Variants in NVL observed in about 807,000 individuals in gnomAD.
The protein encoded by NVL is nuclear VCP like, also known as nuclear valosin-containing protein-like.
A neutral mutation model predicts 110.2 loss-of-function variants in NVL; 84 were observed. That is an observed-to-expected ratio of 0.76 (90% CI 0.64 to 0.91). The LOEUF is 0.91. Ranked by LOEUF, NVL falls within the 40% of genes least tolerant of loss-of-function variation. The probability of loss-of-function intolerance (pLI) is 0.00; values close to 1 mark genes in which losing one functional copy is unlikely to be tolerated. For synonymous variants in NVL, 354 were observed against 361.1 expected (o/e 0.98, Z 0.22); for missense variants, 882 against 1,035.9 (o/e 0.85, Z 2.04).
intron 6 of NVL, among the ~76,000 whole-genome samples, chr1:224,307,698 C>CAAAAAAAAAA (rs11366790): frequency 1.5e-5 from 1 of 67,472 alleles, no homozygotes; most frequent in Non-Finnish European, 2.8e-5. Flanking sequence ...GACCCAGTCT[C>CAAAAAAAAAA]AAAAAAAAAA....
intron 19 of NVL, among the ~76,000 whole-genome samples, chr1:224,241,534 A>G (rs577168485): frequency 6.6e-6 from 1 of 152,226 alleles, no homozygotes; most frequent in South Asian, 2.1e-4. Context: ...TAAAGGAATT[A>G]TTAGAAAAAG....
chr1:224,317,908 T>C lies in NVL; in HGVS notation c.154A>G (p.Arg52Gly), dbSNP rs2102768791. 2 of 1,599,148 alleles carry C rather than the reference T, an allele frequency of 1.3e-6. No homozygotes were observed. Among genetic ancestry groups the C allele is most frequent in the South Asian group, 1.1e-5 (1 of 89,600 alleles). The stretch of plus-strand genomic sequence containing the variant: ...TCTACCTGAATCCTAAAAGCATTTC[T>C]TTTTCTTCGACCATAGTCTATACTG... ...VYSIDYGRRK[R>G]NAFRIQVEKV... Residue 52 changes from arginine to glycine, a missense_variant, in exon 3 of 23, where the codon AGA (arginine) becomes GGA (glycine). Physicochemically the swap from Arg to Gly is moderately radical, Grantham distance 125 (BLOSUM62 -2). This residue lies in a region of NVL where 274 missense variants were observed against 268.4 expected (regional missense o/e 1.02). Transcript: ENST00000281701.
At chr1:224,311,759 A>T (rs1180439107) in intron 5 of NVL, 41 bp downstream of exon 5, 1 of 1,539,664 alleles carries the variant, frequency 6.5e-7, no homozygotes, top group East Asian at 2.2e-5. Context: ...AACAACTAAA[A>T]AAGAAAAAAT....
chr1:224,235,554 A>G (rs1028079311), intron 20 of NVL, among the ~76,000 whole-genome samples: 5 of 151,996 alleles, frequency 3.3e-5, no homozygotes, highest in African/African-American at 1.2e-4. Context: ...AGGCATTTAC[A>G]TCTGCCCCTC....
chr1:224,325,431 AT>A (rs201571619), intron 2 of NVL, among the ~76,000 whole-genome samples: 1 of 149,714 alleles, frequency 6.7e-6, no homozygotes, highest in Admixed American at 6.7e-5. Context: ...TAAAAACTGT[AT>A]TTAAAAAAAA....
At chr1:224,258,011 T>C (rs916092873) in intron 18 of NVL, among the ~76,000 whole-genome samples, 1 of 152,172 alleles carries the variant, frequency 6.6e-6, no homozygotes, top group Non-Finnish European at 1.5e-5. Context: ...TTTTACACCA[T>C]TGATAACACC....
chr1:224,295,134 C>G (rs2102657650), intron 11 of NVL, among the ~76,000 whole-genome samples: 1 of 152,204 alleles, frequency 6.6e-6, no homozygotes, highest in South Asian at 2.1e-4. Context: ...GTTATTTTCC[C>G]TCACAGGTAA....
rs779964708 is a variant in NVL at position 224,250,222 on chromosome 1, G to A, written c.2279C>T (p.Thr760Ile). Residue 760 changes from threonine to isoleucine, a missense_variant, in exon 19 of 23, where the codon ACT (threonine) becomes ATT (isoleucine). This residue lies in a region of NVL where 126 missense variants were observed against 140.7 expected (regional missense o/e 0.90). Transcript: ENST00000281701. ...PPADRLAILK[T>I]ITKNGTKPPL... ...ATTTCCTTTACTCACTTTTGTGATAGTTTTTAAGATGGCAAGGCGATCTGC... is the reference window on the plus strand; with the variant it reads ...ATTTCCTTTACTCACTTTTGTGATAATTTTTAAGATGGCAAGGCGATCTGC... 1.2e-6 allele frequency: 2 copies of A among 1,610,094 alleles called. No homozygotes were observed. Among genetic ancestry groups the A allele is most frequent in the South Asian group, 1.1e-5 (1 of 90,184 alleles).
intron 19 of NVL, among the ~76,000 whole-genome samples, chr1:224,242,001 T>C (rs1661258765): frequency 6.6e-6 from 1 of 151,460 alleles, no homozygotes; most frequent in Non-Finnish European, 1.5e-5. Flanking sequence ...CATTGCACTC[T>C]AGCCTGGACA....
intron 16 of NVL, among the ~76,000 whole-genome samples, chr1:224,275,764 T>C (rs1665700194): frequency 6.6e-6 from 1 of 152,188 alleles, no homozygotes; most frequent in Admixed American, 6.5e-5. Context: ...CAAAATTCAA[T>C]TGCACTTTAG....
chr1:224,273,211 G>A (rs747144579), intron 17 of NVL, among the ~76,000 whole-genome samples: 3 of 152,002 alleles, frequency 2.0e-5, no homozygotes, highest in Non-Finnish European at 4.4e-5. Context: ...CCAAGAGTTC[G>A]AGACCAGCCC....
Position 224,311,889 on chromosome 1 carries a change from A to G in NVL, c.285-32T>C, listed in dbSNP as rs760557312. On this transcript the variant is annotated intron_variant, in intron 4 of 22. Transcript: ENST00000281701. ...AAAAGGAGGGAAAAATGTTTTAAAG[A>G]CTTTCTCTCCCATATCCTAAAAAAA... 7.8e-6 allele frequency: 12 copies of G among 1,534,312 alleles called. No individual in the cohort carries two copies. In the South Asian group the frequency reaches 1.4e-4, roughly 17 times the overall value.
In NVL at chr1:224,287,008, G is replaced by A. The variant is rs554464877; in HGVS notation, c.1794+767C>T. 2.6e-5 allele frequency among the ~76,000 whole-genome samples: 4 copies of A among 152,250 alleles called. No individual in the cohort carries two copies. In the South Asian group the frequency reaches 8.3e-4, roughly 32 times the overall value. ...TAACTGAAACCTATAATTTTTTGTG[G>A]TTTAAACTCACTGCTACAGAAATGA... is the stretch of plus-strand genomic sequence containing the variant. On this transcript the variant is annotated intron_variant, in intron 14 of 22. Transcript: ENST00000281701.
At chr1:224,268,437 T>G (rs1281032716) in intron 17 of NVL, among the ~76,000 whole-genome samples, 1 of 152,172 alleles carries the variant, frequency 6.6e-6, no homozygotes, top group African/African-American at 2.4e-5. Context: ...CAAGGTCTGA[T>G]GTTTTCGAGT....
chr1:224,289,254 C>A (rs937447230), intron 13 of NVL: 2 of 477,830 alleles, frequency 4.2e-6, no homozygotes, highest in Non-Finnish European at 7.2e-6. Context: ...AACCCCATTC[C>A]AGAATTTCAT....
intron 19 of NVL, 68 bp downstream of exon 19, chr1:224,250,144 C>T (rs1662300152): frequency 1.3e-6 from 2 of 1,517,612 alleles, no homozygotes; most frequent in African/African-American, 2.8e-5. Flanking sequence ...AAAATTACTA[C>T]CTCTTATAAC....
At chr1:224,273,043 C>CAAAACA (rs1665322263) in intron 17 of NVL, among the ~76,000 whole-genome samples, 6 of 119,718 alleles carry the variant, frequency 5.0e-5, no homozygotes, top group Admixed American at 2.4e-4. Context: ...CAAAAAAAAA[C>CAAAACA]AAAAAAAACA....
At chr1:224,311,915 T>C in intron 4 of NVL, 58 bp from the exon 5 acceptor site, 1 of 1,313,928 alleles carries the variant, frequency 7.6e-7, no homozygotes, top group Non-Finnish European at 1.1e-6. Flanking sequence ...CCTAAAAAAA[T>C]GACTACCCAA....
At chr1:224,245,484 C>T (rs995779806) in intron 19 of NVL, among the ~76,000 whole-genome samples, 10 of 152,212 alleles carry the variant, frequency 6.6e-5, no homozygotes, top group Middle Eastern at 6.3e-3. Flanking sequence ...CATGTGGGTC[C>T]TGCTCCTCCT....
Sources: allele counts gnomAD v4.1 joint callset (sites outside exome capture counted in the v4.1 genomes callset), GRCh38; gene constraint gnomAD v4.1.1; regional missense constraint gnomAD v4.1.1; transcripts MANE v1.5; gene names NCBI Gene and HGNC (gene_info 2026-07-23, HGNC 2026-07-21).